Variants in ADAM32 observed in about 807,000 individuals in gnomAD.
ADAM32 encodes ADAM metallopeptidase domain 32.
Under a neutral mutation model 114.9 loss-of-function variants are expected in ADAM32, and 89 were observed. The observed-to-expected ratio is 0.77, with a 90% CI of 0.65 to 0.92. The LOEUF (loss-of-function observed/expected upper bound fraction) is 0.92, where lower values mean the gene tolerates loss of function less well. Among genes scored for constraint, ADAM32 ranks in the 40% least tolerant of loss-of-function variants. ADAM32 has a pLI of 0.00. For synonymous variants in ADAM32, 285 were observed against 307.5 expected, an observed-to-expected ratio of 0.93 and a Z score of 0.77; for missense variants, 870 against 932.8, an observed-to-expected ratio of 0.93 and a Z score of 0.88.
At chr8:39,188,809 C>T (rs888599565) in intron 11 of ADAM32, among the ~76,000 whole-genome samples, 5 of 152,088 alleles carry the variant, frequency 3.3e-5, no homozygotes, top group Admixed American at 2.6e-4. Flanking sequence ...CAATTTCTTA[C>T]AAATCTCTGG....
intron 6 of ADAM32, among the ~76,000 whole-genome samples, chr8:39,154,379 T>C (rs1242932850): frequency 6.6e-6 from 1 of 152,230 alleles, no homozygotes. Flanking sequence ...TCATCCTTTT[T>C]TATGGCTGTA....
intron 11 of ADAM32, among the ~76,000 whole-genome samples, chr8:39,197,172 G>A (rs1214079885): frequency 2.6e-5 from 4 of 151,890 alleles, no homozygotes; most frequent in African/African-American, 9.7e-5. Flanking sequence ...TATTTTTGTG[G>A]TATCTGTTGT....
intron 11 of ADAM32, among the ~76,000 whole-genome samples, chr8:39,207,146 G>C (rs935286608): frequency 1.3e-5 from 2 of 152,094 alleles, no homozygotes; most frequent in Admixed American, 1.3e-4. Flanking sequence ...TTATGGCCAG[G>C]CTGGCTTCTC....
chr8:39,180,636 A>T (rs1805809445), intron 10 of ADAM32, among the ~76,000 whole-genome samples: 1 of 152,184 alleles, frequency 6.6e-6, no homozygotes, highest in Non-Finnish European at 1.5e-5. Flanking sequence ...TAGCTCAGGG[A>T]TTGTAAATAC....
chr8:39,117,351 A>AT (rs140850598), intron 1 of ADAM32, among the ~76,000 whole-genome samples: 6,247 of 150,264 alleles, frequency 0.042, 451 homozygotes, highest in African/African-American at 0.14. Context: ...TATATTTAAG[A>AT]TTTTTTTTTC....
chr8:39,170,619 T>G (rs932585941), intron 10 of ADAM32, among the ~76,000 whole-genome samples: 1 of 151,988 alleles, frequency 6.6e-6, no homozygotes, highest in African/African-American at 2.4e-5. Context: ...TCAAATTTGT[T>G]GAGTATATAT....
At chr8:39,219,722 G>A (rs530515190) in intron 12 of ADAM32, among the ~76,000 whole-genome samples, 19 of 152,220 alleles carry the variant, frequency 1.2e-4, no homozygotes, top group African/African-American at 4.3e-4. Flanking sequence ...AGAGCAAGTT[G>A]TTTAATTTCC....
At chr8:39,133,065 C>T (rs1047221463) in intron 2 of ADAM32, among the ~76,000 whole-genome samples, 1 of 151,992 alleles carries the variant, frequency 6.6e-6, no homozygotes, top group Non-Finnish European at 1.5e-5. Flanking sequence ...TCGGACCATG[C>T]TATTGTTGGG....
chr8:39,202,089 T>C (rs1346749773), intron 11 of ADAM32, among the ~76,000 whole-genome samples: 1 of 152,206 alleles, frequency 6.6e-6, no homozygotes, highest in African/African-American at 2.4e-5. Flanking sequence ...TAAAATTCTC[T>C]TTTTTTGTTG....
At chr8:39,118,305 T>TTACTGATA in intron 2 of ADAM32, 140 bp downstream of exon 2, 1 of 455,322 alleles carries the variant, frequency 2.2e-6, no homozygotes, top group Non-Finnish European at 3.7e-6. Context: ...AAAGCTTTGA[T>TTACTGATA]GGTAAAAGCA....
chr8:39,144,176 C>G (rs1440371356), intron 3 of ADAM32, among the ~76,000 whole-genome samples: 2 of 152,194 alleles, frequency 1.3e-5, no homozygotes, highest in African/African-American at 2.4e-5. Flanking sequence ...CCTTGAGCTT[C>G]CCGGGTGAGA....
At chr8:39,210,665 C>G (rs1176604122) in intron 11 of ADAM32, among the ~76,000 whole-genome samples, 1 of 152,118 alleles carries the variant, frequency 6.6e-6, no homozygotes, top group Non-Finnish European at 1.5e-5. Flanking sequence ...AAATGGACTT[C>G]CTATGGAACT....
chr8:39,228,057 T>G (rs1809506870), intron 14 of ADAM32, among the ~76,000 whole-genome samples: 1 of 152,172 alleles, frequency 6.6e-6, no homozygotes, highest in Non-Finnish European at 1.5e-5. Flanking sequence ...ACTCGCTGGA[T>G]GGCTAGACCC....
intron 6 of ADAM32, chr8:39,157,539 T>G: frequency 2.0e-6 from 1 of 489,644 alleles, no homozygotes; most frequent in Non-Finnish European, 4.0e-6. Context: ...TTCCTGGCAT[T>G]AAGCTCCTTC....
chr8:39,119,407 G>A (rs1401261528), intron 2 of ADAM32, among the ~76,000 whole-genome samples: 1 of 152,144 alleles, frequency 6.6e-6, no homozygotes, highest in Non-Finnish European at 1.5e-5. Flanking sequence ...TAAAGCTATT[G>A]TAGTGGGAGT....
chr8:39,182,576 A>G (rs929098229), intron 10 of ADAM32, among the ~76,000 whole-genome samples: 6 of 152,208 alleles, frequency 3.9e-5, no homozygotes, highest in Admixed American at 3.3e-4. Context: ...ACAATTTATC[A>G]TCATTAACTG....
intron 2 of ADAM32, among the ~76,000 whole-genome samples, chr8:39,135,466 GT>G (rs1802743201): frequency 6.6e-6 from 1 of 152,068 alleles, no homozygotes. Context: ...CATATATACT[GT>G]TCACTCAGTT....
At chr8:39,271,539 CAAA>C (rs5891057) in intron 20 of ADAM32, among the ~76,000 whole-genome samples, 75 of 129,052 alleles carry the variant, frequency 5.8e-4, no homozygotes, top group African/African-American at 9.6e-4. Context: ...TGAAAAACCT[CAAA>C]AAAAAAAAAA....
rs79175299 is a variant in ADAM32 at position 39,270,748 on chromosome 8, C to A, written c.2163-128C>A. 7 of 743,174 alleles carry A rather than the reference C, an allele frequency of 9.4e-6. No homozygotes were observed. The Admixed American group carries it at 1.2e-4, about 13-fold the overall frequency. 46.0% of individuals were successfully genotyped at this position (743,174 alleles called of 1,614,324 possible). ...GCATCTGTGTTCATTGACCTTTGGA[C>A]AATATTTTATTTTTTAATAATTAGT... On this transcript the variant is annotated intron_variant, in intron 19 of 24. Transcript: ENST00000379907.
Sources: allele counts gnomAD v4.1 joint callset (sites outside exome capture counted in the v4.1 genomes callset), GRCh38; gene constraint gnomAD v4.1.1; transcripts MANE v1.5; gene names NCBI Gene and HGNC (gene_info 2026-07-23, HGNC 2026-07-21).